The following BEND7 variants were observed in gnomAD, a reference collection of about 807,000 sequenced individuals.
BEND7 encodes the protein BEN domain-containing protein 7.
A neutral mutation model predicts 50.9 loss-of-function variants in BEND7; 28 were observed. The ratio of observed to expected loss-of-function variants is 0.55; its 90% confidence interval spans 0.41 to 0.75. The LOEUF is 0.75. Ranked by LOEUF, BEND7 falls within the 30% of genes least tolerant of loss-of-function variation. BEND7 has a pLI of 0.00. For synonymous variants in BEND7, 170 were observed against 183.9 expected (o/e 0.92, Z 0.61); for missense variants, 477 against 491.3 (o/e 0.97, Z 0.28).
chr10:13,509,173 A>G (rs567276010), intron 2 of BEND7, among the ~76,000 whole-genome samples: 1 of 152,366 alleles, frequency 6.6e-6, no homozygotes, highest in South Asian at 2.1e-4. Flanking sequence ...GTAAGTATCT[A>G]TGAGAAGTTT....
At chr10:13,467,600 C>T (rs1487580783) in intron 6 of BEND7, among the ~76,000 whole-genome samples, 1 of 152,170 alleles carries the variant, frequency 6.6e-6, no homozygotes, top group Non-Finnish European at 1.5e-5. Flanking sequence ...GATTACACTA[C>T]CCTTAATTCC....
rs141555831 is a variant in BEND7 at position 13,499,009 on chromosome 10, G to A, written c.448+769C>T. On this transcript the variant is annotated intron_variant, in intron 3 of 8. Coordinates refer to ENST00000466271, the MANE Select transcript of BEND7 (RefSeq NM_001369863.1). ...AAATCCTTAACTTCTTAAGGAAACT[G>A]AAAATGCTTTCTTACCTTTTTCTTG... Among the ~76,000 whole-genome samples the A allele has an allele frequency of 3.3e-5, 5 of 152,288 alleles. 1 individual carries two copies. The highest frequency in any genetic ancestry group is 3.4e-3 in the Middle Eastern group (1 of 294).
At chr10:13,471,071 T>G (rs1410551478) in intron 6 of BEND7, among the ~76,000 whole-genome samples, 1 of 152,234 alleles carries the variant, frequency 6.6e-6, no homozygotes, top group Non-Finnish European at 1.5e-5. Flanking sequence ...CTGTGAGGTC[T>G]TCTCCTAGTG....
intron 8 of BEND7, chr10:13,442,503 T>G (rs919359989): frequency 6.6e-6 from 1 of 152,258 alleles, no homozygotes; most frequent in Non-Finnish European, 1.5e-5. Flanking sequence ...AATACCTTCA[T>G]GGCAAGATAT....
chr10:13,452,777 G>T, intron 6 of BEND7, 119 bp from the exon 7 acceptor site: 1 of 896,528 alleles, frequency 1.1e-6, no homozygotes, highest in Non-Finnish European at 1.6e-6. Flanking sequence ...AGTTCTGCAC[G>T]ATATGTCTTC....
chr10:13,496,622 C>G, intron 4 of BEND7, 144 bp downstream of exon 4: 1 of 986,550 alleles, frequency 1.0e-6, no homozygotes, highest in Non-Finnish European at 1.5e-6. Flanking sequence ...GTAGAGAAAG[C>G]TGAAAAAACA....
In BEND7 at chr10:13,452,672, T is replaced by C. The variant is rs752187364; in HGVS notation, c.1064-14A>G. 1 of 1,569,246 alleles carries C rather than the reference T, an allele frequency of 6.4e-7. No homozygotes were observed. Among genetic ancestry groups the C allele is most frequent in the Non-Finnish European group, 8.6e-7 (1 of 1,157,538 alleles). On this transcript the variant is annotated splice_polypyrimidine_tract_variant and intron_variant, in intron 6 of 8. Coordinates refer to ENST00000466271, the MANE Select transcript of BEND7 (RefSeq NM_001369863.1). ...TTTCTGTGAAGACTGAAAGAAAATG[T>C]AAAATATTGTTAAATACCTTAACAA...
intron 6 of BEND7, among the ~76,000 whole-genome samples, chr10:13,477,743 G>T (rs10508462): frequency 0.56 from 84,844 of 152,136 alleles, 24,044 homozygotes; most frequent in East Asian, 0.75. Context: ...CATTCCAGAT[G>T]AGTTATTCAA....
At chr10:13,459,998 C>A (rs1005857656) in intron 6 of BEND7, 1 of 152,206 alleles carries the variant, frequency 6.6e-6, no homozygotes, top group African/African-American at 2.4e-5. Flanking sequence ...CACCCTTGAC[C>A]TAAGGGGAGC....
At chr10:13,487,359 C>G (rs1262697735) in intron 5 of BEND7, among the ~76,000 whole-genome samples, 1 of 150,852 alleles carries the variant, frequency 6.6e-6, no homozygotes, top group Non-Finnish European at 1.5e-5. Context: ...CTCAGGCATA[C>G]ATGGCCTCAA....
At chr10:13,442,616 G>C (rs1588594158) in intron 8 of BEND7, 2 of 152,270 alleles carry the variant, frequency 1.3e-5, no homozygotes, top group Admixed American at 1.3e-4. Context: ...TACATTTTTA[G>C]CTAGTTACCA....
intron 2 of BEND7, among the ~76,000 whole-genome samples, chr10:13,516,865 A>C (rs1290092227): frequency 1.3e-5 from 2 of 152,222 alleles, no homozygotes; most frequent in African/African-American, 2.4e-5. Context: ...ATACCAAAGG[A>C]GGCTTTTGGA....
chr10:13,492,972 A>G lies in BEND7; in HGVS notation c.572-96T>C, dbSNP rs149208950. 2.6e-4 allele frequency: 351 copies of G among 1,365,792 alleles called. No homozygotes were observed. In the African/African-American group the frequency reaches 4.7e-3, roughly 18 times the overall value. The allele number at this position is 1,365,792 out of a possible 1,614,324, so 84.6% of individuals were successfully genotyped here. On this transcript the variant is annotated intron_variant, in intron 4 of 8. Coordinates refer to ENST00000466271, the MANE Select transcript of BEND7 (RefSeq NM_001369863.1). ...CCATGTGATCTACAAACTGAAACCG[A>G]AACGAGGAAAACTCCAGGATGAAGC...
intron 7 of BEND7, among the ~76,000 whole-genome samples, chr10:13,448,093 G>C (rs912945351): frequency 2.0e-5 from 3 of 152,164 alleles, no homozygotes; most frequent in African/African-American, 7.2e-5. Context: ...AATAGGCGTT[G>C]CTTCAAAAGA....
intron 6 of BEND7, chr10:13,460,125 G>A (rs552923530): frequency 6.5e-6 from 1 of 152,830 alleles, no homozygotes; most frequent in East Asian, 1.9e-4. Context: ...GTCACAATGC[G>A]AGTAGCATGA....
intron 6 of BEND7, among the ~76,000 whole-genome samples, chr10:13,453,129 T>G (rs1239672343): frequency 6.6e-6 from 1 of 152,192 alleles, no homozygotes; most frequent in African/African-American, 2.4e-5. Context: ...ATGCAGTTGG[T>G]GTCGTGATGA....
intron 6 of BEND7, among the ~76,000 whole-genome samples, chr10:13,469,689 A>G (rs768869578): frequency 2.0e-5 from 3 of 152,130 alleles, no homozygotes; most frequent in African/African-American, 4.8e-5. Flanking sequence ...GTTGGCCAGG[A>G]TGGTCTCAAT....
chr10:13,473,104 T>A (rs1014684881), intron 6 of BEND7, among the ~76,000 whole-genome samples: 21 of 151,968 alleles, frequency 1.4e-4, no homozygotes, highest in Admixed American at 1.3e-4. Context: ...CGTTGTTAGA[T>A]TTGGGGTCAA....
At chr10:13,483,930 G>C (rs1008148324) in intron 5 of BEND7, among the ~76,000 whole-genome samples, 1 of 152,118 alleles carries the variant, frequency 6.6e-6, no homozygotes, top group Non-Finnish European at 1.5e-5. Context: ...GCTGTTTCTG[G>C]TATCTGCCAC....
Sources: allele counts gnomAD v4.1 joint callset (sites outside exome capture counted in the v4.1 genomes callset), GRCh38; gene constraint gnomAD v4.1.1; transcripts MANE v1.5; gene names NCBI Gene and HGNC (gene_info 2026-07-23, HGNC 2026-07-21).